The following XIRP2 variants were observed in gnomAD, a reference collection of about 807,000 sequenced individuals.
XIRP2 encodes xin actin-binding repeat-containing protein 2.
XIRP2 carries 236 observed loss-of-function variants against 277.0 expected under a neutral mutation model. That is an observed-to-expected ratio of 0.85 (90% CI 0.77 to 0.95). XIRP2 has a LOEUF of 0.95. Among genes scored for constraint, XIRP2 ranks in the 40% least tolerant of loss-of-function variants. The probability of loss-of-function intolerance (pLI) is 0.00; values close to 1 mark genes in which losing one functional copy is unlikely to be tolerated. For synonymous variants in XIRP2, 1,490 were observed against 1,416.5 expected (o/e 1.05, Z -1.17); for missense variants, 4,640 against 4,157.5 (o/e 1.12, Z -3.19).
chr2:167,209,181 A>G (rs1693948722), intron 3 of XIRP2, among the ~76,000 whole-genome samples: 1 of 152,170 alleles, frequency 6.6e-6, no homozygotes, highest in Non-Finnish European at 1.5e-5. Context: ...TATCTTTGTG[A>G]TAGTATGTTA....
At chr2:166,967,415 C>T (rs900158469) in intron 2 of XIRP2, among the ~76,000 whole-genome samples, 1 of 151,886 alleles carries the variant, frequency 6.6e-6, no homozygotes, top group Admixed American at 6.6e-5. Context: ...GCTCGCAAGG[C>T]ACAAATGACA....
chr2:167,236,140 A>G (rs1025510608), intron 5 of XIRP2, among the ~76,000 whole-genome samples: 14 of 151,822 alleles, frequency 9.2e-5, no homozygotes, highest in African/African-American at 3.4e-4. Context: ...CGTTTTTTCC[A>G]CTCTAGTGAG....
At chr2:166,946,066 T>C (rs949309607) in intron 2 of XIRP2, among the ~76,000 whole-genome samples, 10 of 152,188 alleles carry the variant, frequency 6.6e-5, no homozygotes, top group African/African-American at 2.4e-4. Flanking sequence ...ATCTTTTCTA[T>C]GGTTTCTGTC....
intron 3 of XIRP2, among the ~76,000 whole-genome samples, chr2:167,138,426 C>G (rs1691617798): frequency 6.6e-6 from 1 of 152,162 alleles, no homozygotes; most frequent in Admixed American, 6.5e-5. Flanking sequence ...TTTCCCCAGC[C>G]TCTCTTTTTA....
intron 2 of XIRP2, among the ~76,000 whole-genome samples, chr2:167,135,367 A>G (rs1691514334): frequency 6.6e-6 from 1 of 152,056 alleles, no homozygotes; most frequent in African/African-American, 2.4e-5. Context: ...TTCACCTTTA[A>G]ATTACTATCT....
intron 2 of XIRP2, among the ~76,000 whole-genome samples, chr2:167,054,641 A>C (rs1574209499): frequency 6.7e-6 from 1 of 150,272 alleles, no homozygotes; most frequent in Non-Finnish European, 1.5e-5. Context: ...CTGAAATCGC[A>C]CCACTGCACT....
chr2:166,975,739 C>A lies in XIRP2; in HGVS notation c.408+71849C>A, dbSNP rs1298707124. ...AGGAGATCGAGACCATCCTGGCTAA[C>A]ACGGTGAAACCCCGTCTCTACTAAA... On this transcript the variant is annotated intron_variant, in intron 2 of 10. Coordinates refer to ENST00000409195, the MANE Select transcript of XIRP2 (RefSeq NM_152381.6). 2.0e-5 allele frequency among the ~76,000 whole-genome samples: 3 copies of A among 151,910 alleles called. No homozygotes were observed. The East Asian group carries it at 5.8e-4, about 30-fold the overall frequency.
At chr2:167,222,120 C>T (rs921320364) in intron 5 of XIRP2, among the ~76,000 whole-genome samples, 1 of 152,150 alleles carries the variant, frequency 6.6e-6, no homozygotes, top group African/African-American at 2.4e-5. Context: ...ATGGATTAGA[C>T]TGTTTTACAT....
At chr2:167,018,491 AC>A (rs2105481120) in intron 2 of XIRP2, among the ~76,000 whole-genome samples, 1 of 152,168 alleles carries the variant, frequency 6.6e-6, no homozygotes, top group South Asian at 2.1e-4. Context: ...AAGAAACCTG[AC>A]ATCCAAGAAA....
rs906318681 is a variant in XIRP2 at position 167,084,122 on chromosome 2, C to T, written c.409-51787C>T. Among the ~76,000 whole-genome samples, 9 of 152,170 alleles carry T rather than the reference C, an allele frequency of 5.9e-5. No homozygotes were observed. The East Asian group carries it at 1.7e-3, about 29-fold the overall frequency. On this transcript the variant is annotated intron_variant, in intron 2 of 10. Transcript: ENST00000409195. ...TATTTTGAAATACATCCCATCAATA[C>T]CTAATTTATTGAGAGTTTTTAGCAT... is the stretch of plus-strand genomic sequence containing the variant.
chr2:167,191,055 G>A (rs1693315206), intron 3 of XIRP2, among the ~76,000 whole-genome samples: 1 of 151,910 alleles, frequency 6.6e-6, no homozygotes, highest in Non-Finnish European at 1.5e-5. Flanking sequence ...ATGGTGACAT[G>A]CATGCCTGCA....
chr2:166,998,593 C>T (rs1014134298), intron 2 of XIRP2, among the ~76,000 whole-genome samples: 1 of 151,876 alleles, frequency 6.6e-6, no homozygotes, highest in Non-Finnish European at 1.5e-5. Flanking sequence ...GCTGTGATAG[C>T]GCCACTGCAC....
intron 2 of XIRP2, among the ~76,000 whole-genome samples, chr2:167,084,469 G>T (rs1008796118): frequency 1.3e-5 from 2 of 150,980 alleles, no homozygotes; most frequent in African/African-American, 4.9e-5. Context: ...ATGAGTTAGG[G>T]AGGATTCCCT....
chr2:167,248,995 C>A lies in XIRP2; in HGVS notation c.7603C>A (p.Pro2535Thr), dbSNP rs1164277829. ...PESSGQQNPK[P>T]YMRKFKTPLM... is the part of the protein sequence containing the mutation. ...GAGTTCAGGACAACAAAATCCAAAACCTTATATGAGAAAATTTAAGACACC... is the reference window on the plus strand; with the variant it reads ...GAGTTCAGGACAACAAAATCCAAAAACTTATATGAGAAAATTTAAGACACC... The change falls in exon 9 of 11, where the codon CCT becomes ACT. Residue 2535 changes from proline (P) to threonine (T), a missense_variant. Coordinates refer to ENST00000409195, the MANE Select transcript of XIRP2 (RefSeq NM_152381.6). 3.7e-6 allele frequency: 6 copies of A among 1,611,520 alleles called. No homozygotes were observed. Among genetic ancestry groups the A allele is most frequent in the Non-Finnish European group, 5.1e-6 (6 of 1,179,320 alleles).
intron 2 of XIRP2, among the ~76,000 whole-genome samples, chr2:166,928,740 T>C (rs16852797): frequency 0.014 from 2,154 of 152,226 alleles, 45 homozygotes; most frequent in African/African-American, 0.046. Context: ...TATTCCAATG[T>C]TCATACTGAA....
chr2:167,141,316 T>A (rs1202257695), intron 3 of XIRP2, among the ~76,000 whole-genome samples: 2 of 152,150 alleles, frequency 1.3e-5, no homozygotes, highest in Admixed American at 1.3e-4. Flanking sequence ...AAGTATTGAG[T>A]GCCTATTTGT....
intron 5 of XIRP2, among the ~76,000 whole-genome samples, chr2:167,237,061 A>G (rs1323289245): frequency 6.6e-6 from 1 of 152,150 alleles, no homozygotes; most frequent in Non-Finnish European, 1.5e-5. Flanking sequence ...ATGCTAACAT[A>G]CCAAACTAGT....
At chr2:166,985,270 T>G (rs1347295659) in intron 2 of XIRP2, among the ~76,000 whole-genome samples, 3 of 152,174 alleles carry the variant, frequency 2.0e-5, no homozygotes, top group Non-Finnish European at 4.4e-5. Context: ...GAGAGAGAGA[T>G]AAGAAAATAA....
intron 2 of XIRP2, among the ~76,000 whole-genome samples, chr2:166,913,311 C>CCT (rs1553469491): frequency 4.1e-5 from 1 of 24,584 alleles, no homozygotes; most frequent in African/African-American, 7.7e-5. Flanking sequence ...ATGGTGGGCA[C>CCT]CCCCCCCCCC....
Sources: allele counts gnomAD v4.1 joint callset (sites outside exome capture counted in the v4.1 genomes callset), GRCh38; gene constraint gnomAD v4.1.1; transcripts MANE v1.5; gene names NCBI Gene and HGNC (gene_info 2026-07-23, HGNC 2026-07-21).